The following KAT6B variants were observed in gnomAD, a reference collection of about 807,000 sequenced individuals.
The protein encoded by KAT6B is histone acetyltransferase KAT6B.
KAT6B carries 10 observed loss-of-function variants against 187.5 expected under a neutral mutation model. That is an observed-to-expected ratio of 0.05 (90% CI 0.03 to 0.09). The LOEUF (loss-of-function observed/expected upper bound fraction) is 0.09, where lower values mean the gene tolerates loss of function less well. Among genes scored for constraint, KAT6B ranks in the 10% least tolerant of loss-of-function variants. The probability of loss-of-function intolerance (pLI) is 1.00; values close to 1 mark genes in which losing one functional copy is unlikely to be tolerated. For missense variants in KAT6B, 1,952 were observed against 2,558.9 expected, an observed-to-expected ratio of 0.76 and a Z score of 5.12; for synonymous variants, 861 against 926.8, an observed-to-expected ratio of 0.93 and a Z score of 1.29.
intron 3 of KAT6B, among the ~76,000 whole-genome samples, chr10:74,901,437 T>C (rs926970230): frequency 6.6e-6 from 1 of 152,180 alleles, no homozygotes; most frequent in African/African-American, 2.4e-5. Flanking sequence ...GCAAGATGTG[T>C]GTGTAGTGTA....
At chr10:74,867,655 C>A (rs980447793) in intron 3 of KAT6B, among the ~76,000 whole-genome samples, 5 of 152,184 alleles carry the variant, frequency 3.3e-5, no homozygotes, top group Non-Finnish European at 7.3e-5. Context: ...TTTGGCTCTG[C>A]CGCCTTGCAG....
chr10:74,894,419 A>T (rs1033897978), intron 3 of KAT6B, among the ~76,000 whole-genome samples: 3 of 152,138 alleles, frequency 2.0e-5, no homozygotes, highest in East Asian at 1.9e-4. Flanking sequence ...ATTATGGTTT[A>T]AAAAAACCAC....
At chr10:74,917,285 GCA>G (rs947359687) in intron 3 of KAT6B, among the ~76,000 whole-genome samples, 1 of 152,026 alleles carries the variant, frequency 6.6e-6, no homozygotes, top group Non-Finnish European at 1.5e-5. Context: ...TATAACCATA[GCA>G]CAGTTATAAA....
At chr10:74,863,303 T>C (rs559785131) in intron 3 of KAT6B, among the ~76,000 whole-genome samples, 1 of 152,346 alleles carries the variant, frequency 6.6e-6, no homozygotes, top group African/African-American at 2.4e-5. Context: ...GTTGTGAGCC[T>C]TTTCCCATAT....
chr10:74,899,447 A>G (rs1245742991), intron 3 of KAT6B, among the ~76,000 whole-genome samples: 2 of 151,366 alleles, frequency 1.3e-5, no homozygotes, highest in African/African-American at 4.9e-5. Flanking sequence ...CTAATTTTGT[A>G]TATTTTTAGT....
intron 3 of KAT6B, among the ~76,000 whole-genome samples, chr10:74,865,519 CTTT>C (rs757471353): frequency 2.8e-5 from 4 of 143,458 alleles, no homozygotes; most frequent in East Asian, 2.0e-4. Flanking sequence ...ATTATTTTAT[CTTT>C]TTTTTTTTTT....
At chr10:74,930,567 T>C (rs969373857) in intron 3 of KAT6B, among the ~76,000 whole-genome samples, 2 of 152,236 alleles carry the variant, frequency 1.3e-5, no homozygotes, top group Admixed American at 1.3e-4. Context: ...AATGATTTCA[T>C]TTTAGTTCTT....
At chr10:74,877,311 T>G (rs990675912) in intron 3 of KAT6B, among the ~76,000 whole-genome samples, 1 of 152,224 alleles carries the variant, frequency 6.6e-6, no homozygotes, top group African/African-American at 2.4e-5. Context: ...TTTAAAAATC[T>G]CAGTTGAAGC....
intron 8 of KAT6B, 63 bp downstream of exon 8, chr10:74,976,393 A>G: frequency 7.4e-7 from 1 of 1,353,744 alleles, no homozygotes; most frequent in Non-Finnish European, 1.0e-6. Flanking sequence ...CAACCCTGAA[A>G]AAAATCAACC....
intron 3 of KAT6B, among the ~76,000 whole-genome samples, chr10:74,946,015 G>A (rs1564580508): frequency 6.6e-6 from 1 of 152,062 alleles, no homozygotes; most frequent in Non-Finnish European, 1.5e-5. Flanking sequence ...TGTAAAATTG[G>A]CATTGTGTTC....
At position 75,020,795 on chromosome 10, in the gene KAT6B, T is replaced by C; in HGVS notation, c.2843T>C (p.Ile948Thr). The C allele has an allele frequency of 1.2e-6, 2 of 1,614,038 alleles. No homozygotes were observed. The highest frequency in any genetic ancestry group is 8.5e-7 in the Non-Finnish European group (1 of 1,180,016). Residue 948 changes from isoleucine to threonine, a missense_variant, in exon 14 of 18, where the codon ATC (isoleucine) becomes ACC (threonine). Coordinates refer to ENST00000287239, the MANE Select transcript of KAT6B (RefSeq NM_012330.4). The stretch of plus-strand genomic sequence containing the variant: ...ACCACTCTGCAGCACCTCCACATGA[T>C]CGACAAGAGAGATGGCAGGTGAGTC... The part of the protein sequence containing the change: ...IATTLQHLHM[I>T]DKRDGRFVII...
At chr10:74,840,537 G>C (rs1841669968) in intron 2 of KAT6B, among the ~76,000 whole-genome samples, 1 of 152,340 alleles carries the variant, frequency 6.6e-6, no homozygotes, top group South Asian at 2.1e-4. Context: ...AATTTAGCTA[G>C]AGCTGTGCAA....
chr10:74,830,752 A>ATATATGTATATATATATATATATG (rs1564891931), intron 1 of KAT6B, among the ~76,000 whole-genome samples: 11 of 22,534 alleles, frequency 4.9e-4, no homozygotes, highest in African/African-American at 3.6e-3. Context: ...ATATATATAT[A>ATATATGTATATATATATATATATG]TATATATATA....
chr10:74,981,975 T>G, intron 11 of KAT6B, 47 bp downstream of exon 11: 1 of 1,545,350 alleles, frequency 6.5e-7, no homozygotes, highest in Non-Finnish European at 8.9e-7. Flanking sequence ...AATCTAGTAC[T>G]CCTAATTGTT....
intron 3 of KAT6B, among the ~76,000 whole-genome samples, chr10:74,939,493 T>G (rs940006111): frequency 6.6e-6 from 1 of 152,076 alleles, no homozygotes; most frequent in African/African-American, 2.4e-5. Flanking sequence ...CTCTGCCTCC[T>G]GGGTTCCAAT....
intron 8 of KAT6B, 26 bp from the exon 9 acceptor site, chr10:74,977,290 C>CCA (rs1842221838): frequency 6.2e-7 from 1 of 1,609,736 alleles, no homozygotes; most frequent in Non-Finnish European, 8.5e-7. Context: ...TCAGTGAATA[C>CCA]ACTTTCTGCT....
intron 3 of KAT6B, among the ~76,000 whole-genome samples, chr10:74,929,076 A>G (rs1050332607): frequency 1.7e-4 from 26 of 152,248 alleles, no homozygotes; most frequent in African/African-American, 6.0e-4. Flanking sequence ...GAAGTGCTAC[A>G]TAAGACTGCG....
intron 13 of KAT6B, among the ~76,000 whole-genome samples, chr10:75,009,940 G>C (rs747186167): frequency 6.6e-6 from 1 of 152,224 alleles, no homozygotes; most frequent in Non-Finnish European, 1.5e-5. Context: ...GATGGTGGTT[G>C]CAATGAGCCG....
intron 3 of KAT6B, among the ~76,000 whole-genome samples, chr10:74,902,018 C>T (rs1396193973): frequency 6.6e-6 from 1 of 152,084 alleles, no homozygotes; most frequent in East Asian, 1.9e-4. Flanking sequence ...CCACCCATCC[C>T]TCCACCCACC....
Sources: allele counts gnomAD v4.1 joint callset (sites outside exome capture counted in the v4.1 genomes callset), GRCh38; gene constraint gnomAD v4.1.1; transcripts MANE v1.5; gene names NCBI Gene and HGNC (gene_info 2026-07-23, HGNC 2026-07-21).